The following APCDD1 variants were observed in gnomAD, a reference collection of about 807,000 sequenced individuals.
The protein encoded by APCDD1 is protein APCDD1.
In APCDD1, 15 loss-of-function variants were observed where a neutral mutation model predicts 38.1. That is an observed-to-expected ratio of 0.39 (90% CI 0.26 to 0.61). The LOEUF (loss-of-function observed/expected upper bound fraction) is 0.61, where lower values mean the gene tolerates loss of function less well. APCDD1 is among the 20% of genes least tolerant of loss of function. The pLI, the probability that APCDD1 is intolerant of heterozygous loss-of-function variation, is 0.49. For missense variants in APCDD1, 647 were observed against 696.2 expected (o/e 0.93, Z 0.79); for synonymous variants, 261 against 279.7 (o/e 0.93, Z 0.67).
chr18:10,477,558 G>A (rs1451803261), intron 3 of APCDD1: 3 of 152,230 alleles, frequency 2.0e-5, no homozygotes, highest in African/African-American at 7.2e-5. Context: ...TATTTAAGGA[G>A]TTAGGGGACC....
At chr18:10,465,949 C>T (rs931694485) in intron 1 of APCDD1, among the ~76,000 whole-genome samples, 1 of 152,222 alleles carries the variant, frequency 6.6e-6, no homozygotes, top group Non-Finnish European at 1.5e-5. Context: ...ATCCACTACA[C>T]TCCTGGCTTT....
rs973636556 is a variant in APCDD1 at position 10,467,182 on chromosome 18, C to T, written c.59-1287C>T. On this transcript the variant is annotated intron_variant, in intron 1 of 4. Coordinates refer to ENST00000355285, the MANE Select transcript of APCDD1 (RefSeq NM_153000.5). The surrounding 1 kb of genome is among the most constrained non-coding windows in gnomAD (Gnocchi z 4.8). Reference sequence around the variant, plus strand: ...ACCATCCTGCAGGTCTCAGTTTATCCAGGTAGATTTTCGTCATGTTGCTGT... The same window carrying T: ...ACCATCCTGCAGGTCTCAGTTTATCTAGGTAGATTTTCGTCATGTTGCTGT... Among the ~76,000 whole-genome samples, 2 of 152,158 alleles carry T rather than the reference C, an allele frequency of 1.3e-5. No individual in the cohort carries two copies. The highest frequency in any genetic ancestry group is 2.9e-5 in the Non-Finnish European group (2 of 68,032).
chr18:10,480,693 C>T (rs1222409662), intron 3 of APCDD1, among the ~76,000 whole-genome samples: 2 of 139,752 alleles, frequency 1.4e-5, no homozygotes, highest in South Asian at 4.6e-4. Context: ...GAAACCCCGT[C>T]TCTACAAAAA....
At position 10,477,979 on chromosome 18, in the gene APCDD1, A is replaced by G. The variant is rs1191985781; in HGVS notation, c.774+5918A>G. ...TGGTCTTTTTTATTATTCTAATGTTAACTAAAACAAAAAAAGGCCTTTGTG... is the reference window on the plus strand; with the variant it reads ...TGGTCTTTTTTATTATTCTAATGTTGACTAAAACAAAAAAAGGCCTTTGTG... On this transcript the variant is annotated intron_variant, in intron 3 of 4. Transcript: ENST00000355285. 3 of 152,202 alleles carry G rather than the reference A, an allele frequency of 2.0e-5. No homozygotes were observed. In the East Asian group the frequency reaches 5.8e-4, roughly 29 times the overall value. The allele number at this position is 152,202 out of a possible 1,614,324, so 9.4% of individuals were successfully genotyped here.
chr18:10,457,180 A>G (rs566189030), intron 1 of APCDD1, among the ~76,000 whole-genome samples: 1 of 152,342 alleles, frequency 6.6e-6, no homozygotes, highest in African/African-American at 2.4e-5. Context: ...AGAGGAAATC[A>G]TTGTTCAAGT....
intron 4 of APCDD1, among the ~76,000 whole-genome samples, chr18:10,486,094 G>A (rs548128): frequency 0.018 from 2,700 of 152,362 alleles, 107 homozygotes; most frequent in African/African-American, 0.062. Context: ...GCTCATGCCT[G>A]TAATCCCAAC....
chr18:10,474,219 C>T (rs2030936109), intron 3 of APCDD1: 4 of 152,022 alleles, frequency 2.6e-5, no homozygotes, highest in Admixed American at 1.3e-4. Context: ...CCACCGTCCG[C>T]CCGGCCGCCA....
In APCDD1 at chr18:10,471,965, G is replaced by A. The variant is rs1403018365; in HGVS notation, c.678G>A (p.Leu226=). 1 of 1,614,040 alleles carries A rather than the reference G, an allele frequency of 6.2e-7. No individual in the cohort carries two copies. Among genetic ancestry groups the A allele is most frequent in the Admixed American group, 1.7e-5 (1 of 60,026 alleles). The change falls in exon 3 of 5, where the codon CTG becomes CTA. Residue 226 remains leucine, a synonymous_variant. Coordinates refer to ENST00000355285, the MANE Select transcript of APCDD1 (RefSeq NM_153000.5). This position sits in a 1 kb window ranked among gnomAD's most constrained non-coding sequence, Gnocchi z 5.5. ...ACCTTCACCACAACCTCGACCACCTGGTCGAGGAGCTCTTCCTTGGTGACA... is the reference window on the plus strand; with the variant it reads ...ACCTTCACCACAACCTCGACCACCTAGTCGAGGAGCTCTTCCTTGGTGACA... ...KQYLHHNLDH[L]VEELFLGDIH... is the part of the protein sequence containing the mutation.
Position 10,488,030 on chromosome 18 carries a change from C to A in APCDD1, c.1537C>A (p.Arg513Ser), listed in dbSNP as rs754328837. Residue 513 changes from arginine to serine, a missense_variant, in exon 5 of 5, where the codon CGC (arginine) becomes AGC (serine). Physicochemically the swap from Arg to Ser is moderately radical, Grantham distance 110 (BLOSUM62 -1). Transcript: ENST00000355285. ...CLVPLLHWNI[R>S]R The stretch of plus-strand genomic sequence containing the variant: ...TGTCCCTCTGCTGCATTGGAACATC[C>A]GCAGATAGAAGTTTTAGAAAGTTCT... The A allele has an allele frequency of 6.2e-7, 1 of 1,613,678 alleles. No homozygotes were observed. Among genetic ancestry groups the A allele is most frequent in the Admixed American group, 1.7e-5 (1 of 60,034 alleles).
chr18:10,459,117 AT>A (rs1325132298), intron 1 of APCDD1, among the ~76,000 whole-genome samples: 14 of 152,358 alleles, frequency 9.2e-5, no homozygotes, highest in African/African-American at 3.1e-4. Context: ...AAGTTCATCT[AT>A]GAGGGCCTAC....
rs1308242053 is a variant in APCDD1, at chr18:10,475,102, AG to A, written c.774+3044del. Among the ~76,000 whole-genome samples the A allele has an allele frequency of 3.3e-5, 5 of 152,252 alleles. No individual in the cohort carries two copies. The highest frequency in any genetic ancestry group is 1.2e-4 in the African/African-American group (5 of 41,470). On this transcript the variant is annotated intron_variant, in intron 3 of 4. Transcript: ENST00000355285. This position sits in a 1 kb window ranked among gnomAD's most constrained non-coding sequence, Gnocchi z 4.0. ...TGCAGAATCCTGTGGGCATCAGGAT[AG>A]GGCCTGAATGCAAAGCTCCATCTCT...
At chr18:10,468,379 G>A in intron 1 of APCDD1, 90 bp from the exon 2 acceptor site, 1 of 1,353,932 alleles carries the variant, frequency 7.4e-7, no homozygotes, top group South Asian at 1.2e-5. Context: ...CCCACCTTCA[G>A]CCACTGTCTG....
Position 10,488,200 on chromosome 18 carries a change from C to A in APCDD1, c.*162C>A. On this transcript the variant is annotated 3_prime_UTR_variant, in exon 5 of 5. Transcript: ENST00000355285. ...CTCCCAGCCCCTGAGTCATGAACAG[C>A]AAGGAGTGTTTGAAGTTTCTGCTTT... 1.1e-6 allele frequency: 1 copy of A among 904,886 alleles called. No individual in the cohort carries two copies. The highest frequency in any genetic ancestry group is 1.7e-6 in the Non-Finnish European group (1 of 596,792). The allele number at this position is 904,886 out of a possible 1,614,324, so 56.1% of individuals were successfully genotyped here. A position where few individuals can be genotyped will look rare whatever the true frequency, so the allele number is the denominator to read the frequency against.
rs1356672667 is a variant in APCDD1, at chr18:10,485,021, C to T, written c.775-441C>T. The stretch of plus-strand genomic sequence containing the variant: ...TTTTGTTTTTTGAGGAACCACCTTA[C>T]TGTTTTCCATAGTGGCTGGACCATT... On this transcript the variant is annotated intron_variant, in intron 3 of 4. Transcript: ENST00000355285. This position sits in a 1 kb window ranked among gnomAD's most constrained non-coding sequence, Gnocchi z 5.8. Among the ~76,000 whole-genome samples the T allele has an allele frequency of 1.3e-5, 2 of 152,168 alleles. No homozygotes were observed. Among genetic ancestry groups the T allele is most frequent in the Non-Finnish European group, 2.9e-5 (2 of 68,032 alleles).
At position 10,471,797 on chromosome 18, in the gene APCDD1, A is replaced by C. The variant is rs370392635; in HGVS notation, c.510A>C (p.Thr170=). ...AEKLGQQVNR[T]CPGFLADGGP... is the part of the protein sequence containing the mutation. ...AGCTCGGCCAGCAGGTGAACCGCAC[A>C]TGCCCGGGCTTCCTCGCAGACGGGG... Residue 170 remains threonine (T), a synonymous_variant, in exon 3 of 5, where the codon ACA becomes ACC. Transcript: ENST00000355285. This position sits in a 1 kb window ranked among gnomAD's most constrained non-coding sequence, Gnocchi z 5.5. 1 of 1,613,332 alleles carries C rather than the reference A, an allele frequency of 6.2e-7. No individual in the cohort carries two copies. The highest frequency in any genetic ancestry group is 8.5e-7 in the Non-Finnish European group (1 of 1,179,642).
chr18:10,480,022 G>C (rs1258214061), intron 3 of APCDD1, among the ~76,000 whole-genome samples: 1 of 152,118 alleles, frequency 6.6e-6, no homozygotes, highest in Non-Finnish European at 1.5e-5. Flanking sequence ...TGTGTGTAAA[G>C]AATAGCAACA....
rs1372296524 is a variant in APCDD1 at position 10,485,849 on chromosome 18, G to A, written c.1096+66G>A. 24 of 1,547,306 alleles carry A rather than the reference G, an allele frequency of 1.6e-5. No individual in the cohort carries two copies. The African/African-American group carries it at 2.9e-4, about 18-fold the overall frequency. ...ACAGCCCTGTGACATTTTTGTGGAG[G>A]CAGAGCTGAGGGAAAGGACCTCTTT... is the stretch of plus-strand genomic sequence containing the variant. On this transcript the variant is annotated intron_variant, in intron 4 of 4. Transcript: ENST00000355285. The surrounding 1 kb of genome is among the most constrained non-coding windows in gnomAD (Gnocchi z 5.8).
intron 1 of APCDD1, among the ~76,000 whole-genome samples, chr18:10,456,741 GTA>G (rs2030391408): frequency 6.6e-6 from 1 of 152,198 alleles, no homozygotes; most frequent in Non-Finnish European, 1.5e-5. Context: ...AAGAGCCCAA[GTA>G]TATCCTCAAT....
intron 1 of APCDD1, among the ~76,000 whole-genome samples, chr18:10,456,132 C>G (rs2030376125): frequency 6.6e-6 from 1 of 152,194 alleles, no homozygotes; most frequent in East Asian, 1.9e-4. Context: ...ATGCTGTTTT[C>G]TTTGTAGTCC....
Sources: gnomAD v4.1 joint callset for allele counts (sites outside exome capture counted in the v4.1 genomes callset) on GRCh38, gnomAD v4.1.1 for gene constraint, Gnocchi (gnomAD v3.1) non-coding constraint, MANE v1.5 for transcripts, NCBI Gene and HGNC (gene_info 2026-07-23, HGNC 2026-07-21) for gene names.